The following SGTA variants were observed in gnomAD, a reference collection of about 807,000 sequenced individuals.
The protein encoded by SGTA is small glutamine-rich tetratricopeptide repeat-containing protein alpha.
Under a neutral mutation model 44.3 loss-of-function variants are expected in SGTA, and 22 were observed. The observed-to-expected ratio is 0.50, with a 90% CI of 0.36 to 0.71. SGTA has a LOEUF of 0.71. Ranked by LOEUF, SGTA falls within the 30% of genes least tolerant of loss-of-function variation. SGTA has a pLI of 0.00. For synonymous variants in SGTA, 174 were observed against 177.6 expected (o/e 0.98, Z 0.16); for missense variants, 341 against 435.9 (o/e 0.78, Z 1.94).
intron 2 of SGTA, among the ~76,000 whole-genome samples, 169 bp downstream of exon 2, chr19:2,768,800 C>T (rs1298721033): frequency 1.3e-5 from 2 of 152,238 alleles, no homozygotes; most frequent in Admixed American, 6.5e-5. Context: ...CCCTGGCTCC[C>T]ACGGCCGGGG....
At chr19:2,768,229 G>A (rs1023252616) in intron 2 of SGTA, among the ~76,000 whole-genome samples, 25 of 152,200 alleles carry the variant, frequency 1.6e-4, no homozygotes, top group Non-Finnish European at 3.1e-4. Context: ...CCCTCCCACC[G>A]AGCCAGACAA....
chr19:2,769,129 C>T (rs1671884621), intron 1 of SGTA, 38 bp from the exon 2 acceptor site: 2 of 1,314,954 alleles, frequency 1.5e-6, no homozygotes, highest in Non-Finnish European at 2.2e-6. Context: ...GGCCCCCTCA[C>T]ACTCCCCACT....
chr19:2,760,593 C>A (rs1248547312), intron 8 of SGTA, among the ~76,000 whole-genome samples: 1 of 151,924 alleles, frequency 6.6e-6, no homozygotes, highest in African/African-American at 2.4e-5. Flanking sequence ...TCTGCCAACC[C>A]CAGATGTCTG....
intron 1 of SGTA, among the ~76,000 whole-genome samples, chr19:2,781,940 C>A (rs965985455): frequency 6.6e-6 from 1 of 151,026 alleles, no homozygotes; most frequent in South Asian, 2.1e-4. Flanking sequence ...CTCCTGGGTT[C>A]AAGGGATTCT....
intron 1 of SGTA, among the ~76,000 whole-genome samples, chr19:2,776,140 G>A (rs941196892): frequency 3.9e-5 from 6 of 152,182 alleles, no homozygotes; most frequent in African/African-American, 7.2e-5. Flanking sequence ...GGCCAACAGG[G>A]TTCAGAGAGC....
At chr19:2,779,827 C>A (rs890905238) in intron 1 of SGTA, among the ~76,000 whole-genome samples, 1 of 152,182 alleles carries the variant, frequency 6.6e-6, no homozygotes, top group Admixed American at 6.5e-5. Flanking sequence ...AATCCCAGCA[C>A]TTTGGGAGGC....
chr19:2,767,012 C>G lies in SGTA; in HGVS notation c.292+124G>C. On this transcript the variant is annotated intron_variant, in intron 4 of 11. Transcript: ENST00000221566. The surrounding 1 kb of genome is among the most constrained non-coding windows in gnomAD (Gnocchi z 7.3). ...GTCCCCGTCCCCACAAGCCAGCGTG[C>G]TGGTCATCAGGGCAATTCCCTCAGC... 1 of 747,598 alleles carries G rather than the reference C, an allele frequency of 1.3e-6. No individual in the cohort carries two copies. The allele number at this position is 747,598 out of a possible 1,614,324, so 46.3% of individuals were successfully genotyped here. A position where few individuals can be genotyped will look rare whatever the true frequency, so the allele number is the denominator to read the frequency against.
In SGTA at chr19:2,774,920, C is replaced by T. The variant is rs116171898; in HGVS notation, c.-23-5829G>A. On this transcript the variant is annotated intron_variant, in intron 1 of 11. Coordinates refer to ENST00000221566, the MANE Select transcript of SGTA (RefSeq NM_003021.4). The stretch of plus-strand genomic sequence containing the variant: ...GTCTCTCTCCCAGACCAGCGGTTCT[C>T]GATGGATGTGCTGAGACACTTGGTG... 8.4e-3 allele frequency among the ~76,000 whole-genome samples: 1,278 copies of T among 152,292 alleles called. 24 individuals carry two copies. The highest frequency in any genetic ancestry group is 0.029 in the African/African-American group (1,202 of 41,552).
chr19:2,759,646 T>C, intron 8 of SGTA: 1 of 278,446 alleles, frequency 3.6e-6, no homozygotes, highest in South Asian at 4.3e-5. Flanking sequence ...GCATATTTGG[T>C]TCCAGTTTTG....
chr19:2,759,400 G>A (rs552428639), intron 8 of SGTA, 106 bp from the exon 9 acceptor site: 16 of 1,015,648 alleles, frequency 1.6e-5, no homozygotes, highest in Admixed American at 1.3e-4. Flanking sequence ...ACTCCAGCAC[G>A]CCAACCAACA....
intron 1 of SGTA, among the ~76,000 whole-genome samples, chr19:2,772,091 C>T (rs1184985105): frequency 6.6e-6 from 1 of 152,234 alleles, no homozygotes; most frequent in African/African-American, 2.4e-5. Context: ...GGACCTTATT[C>T]TTAGTTGCAC....
chr19:2,764,046 G>C (rs1208924588), intron 5 of SGTA, among the ~76,000 whole-genome samples: 7 of 152,310 alleles, frequency 4.6e-5, no homozygotes, highest in African/African-American at 1.7e-4. Flanking sequence ...TGAGGGTAGG[G>C]AACTTATACC....
chr19:2,757,665 C>T, intron 10 of SGTA, 28 bp downstream of exon 10: 2 of 1,523,628 alleles, frequency 1.3e-6, no homozygotes, highest in Non-Finnish European at 1.8e-6. Context: ...CCCACGTCCT[C>T]CGTCCTCTTG....
At chr19:2,776,609 G>C (rs2144740436) in intron 1 of SGTA, among the ~76,000 whole-genome samples, 1 of 152,330 alleles carries the variant, frequency 6.6e-6, no homozygotes. Flanking sequence ...GATGATGGTG[G>C]CGATGGCTAC....
At position 2,761,583 on chromosome 19, in the gene SGTA, C is replaced by T. The variant is rs77221363; in HGVS notation, c.637-61G>A. ...GACCAGAGGCCACGGTGAATAACCC[C>T]CTGGAACTCAGAAACAACGGCCCCC... On this transcript the variant is annotated intron_variant, in intron 7 of 11. Coordinates refer to ENST00000221566, the MANE Select transcript of SGTA (RefSeq NM_003021.4). The surrounding 1 kb of genome is among the most constrained non-coding windows in gnomAD (Gnocchi z 5.7). 1,155 of 1,376,054 alleles carry T rather than the reference C, an allele frequency of 8.4e-4. 9 individuals carry two copies. The African/African-American group carries it at 0.015, about 17-fold the overall frequency. 85.2% of individuals were successfully genotyped at this position (1,376,054 alleles called of 1,614,324 possible).
Position 2,765,282 on chromosome 19 carries a change from T to C in SGTA, c.296A>G (p.Asn99Ser). The C allele has an allele frequency of 6.2e-7, 1 of 1,608,374 alleles. No homozygotes were observed. The highest frequency in any genetic ancestry group is 2.2e-5 in the East Asian group (1 of 44,868). Residue 99 changes from asparagine (N) to serine (S), a missense_variant, in exon 5 of 12, where the codon AAC becomes AGC. By Grantham distance (46) the Asn-to-Ser change is conservative. Coordinates refer to ENST00000221566, the MANE Select transcript of SGTA (RefSeq NM_003021.4). This position sits in a 1 kb window ranked among gnomAD's most constrained non-coding sequence, Gnocchi z 5.5. The stretch of plus-strand genomic sequence containing the variant: ...AAAGTTTTCCACTTTCATCTGCTCG[T>C]TTCCTACAGGGAGAGAGGAAAACAC... Reference protein sequence around the residue: ...AEAERLKTEGNEQMKVENFEA... With the variant: ...AEAERLKTEGSEQMKVENFEA...
intron 6 of SGTA, 32 bp from the exon 7 acceptor site, chr19:2,762,676 C>T (rs1568308494): frequency 1.9e-6 from 3 of 1,611,630 alleles, no homozygotes; most frequent in Admixed American, 1.7e-5. Context: ...GGACTGTTCC[C>T]ATCTGCCCAG....
chr19:2,761,605 C>A lies in SGTA; in HGVS notation c.637-83G>T. 2.6e-6 allele frequency: 3 copies of A among 1,141,560 alleles called. No individual in the cohort carries two copies. The highest frequency in any genetic ancestry group is 3.8e-6 in the Non-Finnish European group (3 of 779,404). The allele number at this position is 1,141,560 out of a possible 1,614,324, so 70.7% of individuals were successfully genotyped here. On this transcript the variant is annotated intron_variant, in intron 7 of 11. Coordinates refer to ENST00000221566, the MANE Select transcript of SGTA (RefSeq NM_003021.4). The surrounding 1 kb of genome is among the most constrained non-coding windows in gnomAD (Gnocchi z 5.7). ...CCCCCTGGAACTCAGAAACAACGGC[C>A]CCCCACGGGGCTCAGACATTCTATC...
rs1568309348 is a variant in SGTA, at chr19:2,765,083, T to C, written c.392+103A>G. On this transcript the variant is annotated intron_variant, in intron 5 of 11. Transcript: ENST00000221566. This position sits in a 1 kb window ranked among gnomAD's most constrained non-coding sequence, Gnocchi z 5.5. Reference sequence around the variant, plus strand: ...AGACCACCGGTGAATGGATCCCTCATCTACAGCGCAGAGGCCTCTCCCATC... The same window carrying C: ...AGACCACCGGTGAATGGATCCCTCACCTACAGCGCAGAGGCCTCTCCCATC... The C allele has an allele frequency of 2.6e-6, 2 of 768,166 alleles. No individual in the cohort carries two copies. Among genetic ancestry groups the C allele is most frequent in the East Asian group, 2.6e-5 (1 of 38,532 alleles). 47.6% of individuals were successfully genotyped at this position (768,166 alleles called of 1,614,324 possible).
Sources: gnomAD v4.1 joint callset for allele counts (sites outside exome capture counted in the v4.1 genomes callset) on GRCh38, gnomAD v4.1.1 for gene constraint, Gnocchi (gnomAD v3.1) non-coding constraint, MANE v1.5 for transcripts, NCBI Gene and HGNC (gene_info 2026-07-23, HGNC 2026-07-21) for gene names.